Variants in DMD observed in about 807,000 individuals in gnomAD.
DMD encodes the protein dystrophin.
A neutral mutation model predicts 330.1 loss-of-function variants in DMD; 63 were observed. That is an observed-to-expected ratio of 0.19 (90% CI 0.16 to 0.24). The LOEUF (loss-of-function observed/expected upper bound fraction) is 0.24. DMD is among the 10% of genes least tolerant of loss of function. The pLI, the probability that DMD is intolerant of heterozygous loss-of-function variation, is 1.00. For missense variants in DMD, 3,344 were observed against 2,684.1 expected, an observed-to-expected ratio of 1.25 and a Z score of -5.43; for synonymous variants, 1,223 against 959.8, an observed-to-expected ratio of 1.27 and a Z score of -5.07.
chrX:31,436,107 T>C (rs897468719), intron 60 of DMD, among the ~76,000 whole-genome samples: 2 of 111,837 alleles, frequency 1.8e-5, no homozygotes, highest in Non-Finnish European at 3.8e-5. Context: ...TAAATACATT[T>C]TGCTATTTAA....
At chrX:31,893,728 A>G (rs7066379) in intron 47 of DMD, among the ~76,000 whole-genome samples, 25,712 of 109,384 alleles carry the variant, frequency 0.24, 3,276 homozygotes, top group African/African-American at 0.49. Flanking sequence ...GTGAGAGTTG[A>G]GGGATTACAC....
chrX:31,951,132 T>TAC (rs61095476), intron 45 of DMD, among the ~76,000 whole-genome samples: 5,817 of 84,829 alleles, frequency 0.069, 256 homozygotes, highest in Non-Finnish European at 0.079. Context: ...CATATATATA[T>TAC]ATATATATGT....
intron 60 of DMD, among the ~76,000 whole-genome samples, chrX:31,373,815 C>G (rs1037888427): frequency 7.3e-5 from 8 of 109,038 alleles, no homozygotes; most frequent in African/African-American, 1.0e-4. Context: ...CCAAAATTGA[C>G]AAATGGGATC....
chrX:32,846,622 C>T (rs745624644), intron 3 of DMD, among the ~76,000 whole-genome samples: 2 of 108,159 alleles, frequency 1.8e-5, no homozygotes, highest in African/African-American at 6.8e-5. Flanking sequence ...CCATTTTTAC[C>T]TCTTAGATTT....
chrX:32,134,358 C>T (rs1311534949), intron 44 of DMD, among the ~76,000 whole-genome samples: 1 of 111,341 alleles, frequency 9.0e-6, no homozygotes, highest in Non-Finnish European at 1.9e-5. Context: ...TGCCCAGTCA[C>T]AGAGCTAGCT....
chrX:33,283,747 G>A (rs981536493), intron 1 of DMD, among the ~76,000 whole-genome samples: 10 of 110,501 alleles, frequency 9.0e-5, no homozygotes, highest in East Asian at 2.8e-4. Flanking sequence ...GGCCAGGTGC[G>A]GTGGCTCACA....
At chrX:32,502,322 A>T (rs540421987) in intron 18 of DMD, among the ~76,000 whole-genome samples, 102 of 111,691 alleles carry the variant, frequency 9.1e-4, no homozygotes, top group African/African-American at 3.1e-3. Context: ...TAATATATGT[A>T]CATATATATT....
At chrX:33,019,831 G>A (rs1299928959) in intron 2 of DMD, among the ~76,000 whole-genome samples, 2 of 111,268 alleles carry the variant, frequency 1.8e-5, no homozygotes, top group East Asian at 2.8e-4. Context: ...TCTGCTGGGT[G>A]ACATATTCTA....
At chrX:32,666,706 G>A (rs1433468726) in intron 9 of DMD, among the ~76,000 whole-genome samples, 4 of 109,633 alleles carry the variant, frequency 3.6e-5, no homozygotes, top group Admixed American at 9.9e-5. Context: ...GTGGGTGCCT[G>A]TAGTCCCATC....
chrX:32,521,197 G>A (rs141106800), intron 17 of DMD, among the ~76,000 whole-genome samples: 1 of 111,821 alleles, frequency 8.9e-6, no homozygotes, highest in African/African-American at 3.3e-5. Context: ...TTGAGACGGA[G>A]TCTCACTCTG....
At chrX:33,042,555 C>T (rs2094319241) in intron 1 of DMD, among the ~76,000 whole-genome samples, 1 of 111,973 alleles carries the variant, frequency 8.9e-6, no homozygotes, top group Non-Finnish European at 1.9e-5. Flanking sequence ...TCAACACAAA[C>T]GTGAATGTCA....
At chrX:31,580,363 C>T (rs1418698971) in intron 55 of DMD, among the ~76,000 whole-genome samples, 5 of 111,712 alleles carry the variant, frequency 4.5e-5, no homozygotes, top group African/African-American at 1.3e-4. Context: ...AGGACTTGCT[C>T]GGGCTGGTTA....
chrX:31,691,328 A>T (rs898970476), intron 52 of DMD, among the ~76,000 whole-genome samples: 3 of 111,739 alleles, frequency 2.7e-5, no homozygotes, highest in African/African-American at 9.8e-5. Flanking sequence ...ACACAAAACC[A>T]TCAAAACACA....
intron 20 of DMD, among the ~76,000 whole-genome samples, chrX:32,490,767 C>A (rs1252367384): frequency 8.9e-6 from 1 of 111,787 alleles, no homozygotes; most frequent in African/African-American, 3.3e-5. Context: ...CCTCTGTACT[C>A]CAGCTACATT....
At chrX:32,464,779 A>G in intron 23 of DMD, 80 bp from the exon 24 acceptor site, 3 of 711,261 alleles carry the variant, frequency 4.2e-6, no homozygotes, top group Non-Finnish European at 6.8e-6. Flanking sequence ...ATGTCTAAAC[A>G]CAGGCCCAAA....
chrX:33,010,332 A>G (rs2093675460), intron 2 of DMD, among the ~76,000 whole-genome samples: 1 of 105,010 alleles, frequency 9.5e-6, no homozygotes, highest in East Asian at 3.3e-4. Context: ...AAATATGTAT[A>G]TATGTACATA....
intron 52 of DMD, among the ~76,000 whole-genome samples, chrX:31,701,717 T>C (rs1320499683): frequency 8.9e-6 from 1 of 112,483 alleles, no homozygotes. Flanking sequence ...TCCTCCTTTG[T>C]GGGAGAGTGG....
intron 20 of DMD, among the ~76,000 whole-genome samples, chrX:32,489,505 C>A (rs1317667005): frequency 1.8e-5 from 2 of 110,967 alleles, no homozygotes; most frequent in African/African-American, 3.3e-5. Context: ...TATCTGCAAG[C>A]CAGGAAGACA....
chrX:33,337,848 T>C (rs756857538), intron 1 of DMD, among the ~76,000 whole-genome samples: 4 of 111,879 alleles, frequency 3.6e-5, no homozygotes, highest in African/African-American at 1.3e-4. Flanking sequence ...TAACAGCCAA[T>C]AGTGTTCCTT....
Sources: gnomAD v4.1 joint callset for allele counts (sites outside exome capture counted in the v4.1 genomes callset) on GRCh38, gnomAD v4.1.1 for gene constraint, MANE v1.5 for transcripts, NCBI Gene and HGNC (gene_info 2026-07-23, HGNC 2026-07-21) for gene names.